MAMDC2: variants seen among roughly 807,000 people sequenced by gnomAD.
The protein encoded by MAMDC2 is MAM domain-containing protein 2.
A neutral mutation model predicts 89.8 loss-of-function variants in MAMDC2; 57 were observed. The ratio of observed to expected loss-of-function variants is 0.63; its 90% CI spans 0.51 to 0.79. The LOEUF (loss-of-function observed/expected upper bound fraction) is 0.79. MAMDC2 is among the 30% of genes least tolerant of loss of function. MAMDC2 has a pLI of 0.00. For synonymous variants in MAMDC2, 313 were observed against 293.4 expected (o/e 1.07, Z -0.68); for missense variants, 800 against 820.6 (o/e 0.97, Z 0.31).
intron 2 of MAMDC2, among the ~76,000 whole-genome samples, chr9:70,098,980 T>G (rs4237239): frequency 0.16 from 23,841 of 152,222 alleles, 1,891 homozygotes; most frequent in East Asian, 0.18. Context: ...GCTGAAGTCT[T>G]AAAAGTTATG....
intron 9 of MAMDC2, among the ~76,000 whole-genome samples, chr9:70,148,761 G>A (rs1327402992): frequency 2.0e-5 from 3 of 149,942 alleles, no homozygotes; most frequent in Admixed American, 2.0e-4. Context: ...CAGGCGCGGT[G>A]GCTCACGCCT....
At chr9:70,179,749 AAG>A (rs1445792385) in intron 11 of MAMDC2, among the ~76,000 whole-genome samples, 6 of 144,848 alleles carry the variant, frequency 4.1e-5, no homozygotes, top group Non-Finnish European at 1.5e-5. Context: ...TAGAAAGATG[AAG>A]AAAAATAAAT....
intron 9 of MAMDC2, among the ~76,000 whole-genome samples, chr9:70,162,599 T>C (rs2032012927): frequency 6.6e-6 from 1 of 151,608 alleles, no homozygotes; most frequent in Admixed American, 6.6e-5. Flanking sequence ...GAGGTGATCC[T>C]TCCACCTCAA....
chr9:70,194,825 A>G (rs571964233), intron 11 of MAMDC2, among the ~76,000 whole-genome samples: 4 of 152,262 alleles, frequency 2.6e-5, no homozygotes, highest in African/African-American at 9.6e-5. Context: ...TATAAAATAG[A>G]AAATTATGAC....
At chr9:70,185,669 C>G (rs952985278) in intron 11 of MAMDC2, among the ~76,000 whole-genome samples, 2 of 152,166 alleles carry the variant, frequency 1.3e-5, no homozygotes, top group African/African-American at 2.4e-5. Flanking sequence ...TTCCTGGCCT[C>G]CTTAGCACTG....
intron 5 of MAMDC2, among the ~76,000 whole-genome samples, chr9:70,116,715 G>C (rs200528728): frequency 7.2e-6 from 1 of 138,150 alleles, no homozygotes; most frequent in African/African-American, 2.6e-5. Context: ...AAAAAAAAAA[G>C]AGGACTAAAG....
At chr9:70,140,904 C>G (rs1392614500) in intron 8 of MAMDC2, among the ~76,000 whole-genome samples, 1 of 152,172 alleles carries the variant, frequency 6.6e-6, no homozygotes, top group African/African-American at 2.4e-5. Flanking sequence ...CTTTTTGAAA[C>G]AGGAGTCTGA....
At chr9:70,076,160 C>T (rs939748778) in intron 2 of MAMDC2, among the ~76,000 whole-genome samples, 8 of 152,150 alleles carry the variant, frequency 5.3e-5, no homozygotes, top group Admixed American at 2.6e-4. Flanking sequence ...TGGTGGCTCA[C>T]GCCTGTAATC....
At chr9:70,161,144 C>T (rs1405304729) in intron 9 of MAMDC2, among the ~76,000 whole-genome samples, 1 of 152,134 alleles carries the variant, frequency 6.6e-6, no homozygotes, top group Admixed American at 6.5e-5. Flanking sequence ...GGAACCTCCC[C>T]TCCCCTTACA....
At chr9:70,216,928 T>G (rs1183188341) in intron 11 of MAMDC2, among the ~76,000 whole-genome samples, 1 of 152,182 alleles carries the variant, frequency 6.6e-6, no homozygotes, top group African/African-American at 2.4e-5. Context: ...GTTTAAATAG[T>G]CCCATCATGG....
intron 4 of MAMDC2, 126 bp from the exon 5 acceptor site, chr9:70,112,869 T>C: frequency 8.5e-7 from 1 of 1,170,588 alleles, no homozygotes; most frequent in South Asian, 1.4e-5. Context: ...GGGGTCCTGG[T>C]AGAAAGGTTG....
At chr9:70,049,090 T>C (rs1826827401) in intron 2 of MAMDC2, among the ~76,000 whole-genome samples, 1 of 152,042 alleles carries the variant, frequency 6.6e-6, no homozygotes, top group Non-Finnish European at 1.5e-5. Flanking sequence ...TGTTTTTCCA[T>C]GGTAGGAGTC....
chr9:70,217,241 G>A (rs1587580742), intron 11 of MAMDC2: 1 of 877,798 alleles, frequency 1.1e-6, no homozygotes, highest in South Asian at 1.3e-5. Flanking sequence ...ATCTACCCGG[G>A]ACAGGGGAGG....
intron 9 of MAMDC2, among the ~76,000 whole-genome samples, chr9:70,161,317 C>T (rs1319272833): frequency 1.3e-5 from 2 of 152,188 alleles, no homozygotes; most frequent in Admixed American, 6.5e-5. Flanking sequence ...AGCAGAAAGA[C>T]TTTCACACTG....
chr9:70,064,835 A>G (rs755796889), intron 2 of MAMDC2, among the ~76,000 whole-genome samples: 3 of 152,192 alleles, frequency 2.0e-5, no homozygotes, highest in Non-Finnish European at 2.9e-5. Context: ...AGGTAACACA[A>G]TCAGTCCAGA....
intron 11 of MAMDC2, among the ~76,000 whole-genome samples, chr9:70,212,722 G>A (rs952601487): frequency 6.6e-6 from 1 of 152,174 alleles, no homozygotes; most frequent in Non-Finnish European, 1.5e-5. Flanking sequence ...GGGAGCTGTA[G>A]ACTGTAGCTG....
rs71364580 is a variant in MAMDC2, at chr9:70,130,008, CTGTGTGTGTG to C, written c.901-1482_901-1473del. 2.5e-3 allele frequency among the ~76,000 whole-genome samples: 367 copies of C among 147,182 alleles called. 3 individuals carry two copies. The highest frequency in any genetic ancestry group is 7.4e-3 in the African/African-American group (291 of 39,318). ...TCTGCCTTCATTTTCACATGGCATT[CTGTGTGTGTG>C]TGTGTGTGTGTGTGTGTGTGTGTGT... On this transcript the variant is annotated intron_variant, in intron 6 of 13. Coordinates refer to ENST00000377182, the MANE Select transcript of MAMDC2 (RefSeq NM_153267.5).
At chr9:70,047,932 A>G (rs534985723) in intron 2 of MAMDC2, among the ~76,000 whole-genome samples, 139 of 152,184 alleles carry the variant, frequency 9.1e-4, no homozygotes, top group Non-Finnish European at 1.8e-3. Flanking sequence ...GAGTGTCTCT[A>G]TTTCATGGCC....
chr9:70,165,342 C>T (rs1050916799), intron 9 of MAMDC2, among the ~76,000 whole-genome samples: 20 of 152,272 alleles, frequency 1.3e-4, no homozygotes, highest in Non-Finnish European at 2.2e-4. Context: ...CCAAAATAAG[C>T]GCTGACATGA....
Sources: allele counts gnomAD v4.1 joint callset (sites outside exome capture counted in the v4.1 genomes callset), GRCh38; gene constraint gnomAD v4.1.1; transcripts MANE v1.5; gene names NCBI Gene and HGNC (gene_info 2026-07-23, HGNC 2026-07-21).